The following ESRRB variants were observed in gnomAD, a reference collection of about 807,000 sequenced individuals.
ESRRB encodes estrogen related receptor beta.
In ESRRB, 16 loss-of-function variants were observed where a neutral mutation model predicts 46.0. The ratio of observed to expected loss-of-function variants is 0.35; its 90% CI spans 0.24 to 0.53. The LOEUF (loss-of-function observed/expected upper bound fraction) is 0.53. ESRRB is among the 20% of genes least tolerant of loss of function. ESRRB has a pLI of 0.93. For synonymous variants in ESRRB, 246 were observed against 259.6 expected (o/e 0.95, Z 0.50); for missense variants, 488 against 607.4 (o/e 0.80, Z 2.07).
chr14:76,417,734 A>AG (rs1442297176), intron 1 of ESRRB, among the ~76,000 whole-genome samples: 13 of 152,126 alleles, frequency 8.5e-5, no homozygotes, highest in Non-Finnish European at 1.5e-5. Context: ...CAAGAGCTGA[A>AG]GGCATGGCAG....
chr14:76,406,981 AC>A (rs1304888442), intron 1 of ESRRB, among the ~76,000 whole-genome samples: 1 of 152,252 alleles, frequency 6.6e-6, no homozygotes, highest in Non-Finnish European at 1.5e-5. Context: ...TAAAGGCTCC[AC>A]AATAAATGCG....
chr14:76,439,002 T>A (rs999786012), intron 1 of ESRRB, among the ~76,000 whole-genome samples: 38 of 152,086 alleles, frequency 2.5e-4, no homozygotes, highest in African/African-American at 9.2e-4. Context: ...TCTCCCTATG[T>A]TGCCCAGGCT....
chr14:76,380,551 A>C (rs1170551625), intron 1 of ESRRB, among the ~76,000 whole-genome samples: 2 of 152,328 alleles, frequency 1.3e-5, no homozygotes, highest in Non-Finnish European at 1.5e-5. Context: ...CCACACCTTG[A>C]CTGCCTCCAT....
intron 1 of ESRRB, among the ~76,000 whole-genome samples, chr14:76,336,848 G>A (rs576292515): frequency 6.6e-6 from 1 of 152,176 alleles, no homozygotes; most frequent in Admixed American, 6.5e-5. Flanking sequence ...TTACATTTAT[G>A]GGGGTGGGGG....
At chr14:76,470,759 C>T (rs1448230699) in intron 3 of ESRRB, among the ~76,000 whole-genome samples, 3 of 152,276 alleles carry the variant, frequency 2.0e-5, no homozygotes, top group African/African-American at 7.2e-5. Flanking sequence ...ATGATCATAG[C>T]TCACTGTAAC....
intron 1 of ESRRB, among the ~76,000 whole-genome samples, chr14:76,358,400 AAAGAAAG>A (rs1884422367): frequency 1.3e-4 from 17 of 129,690 alleles, no homozygotes; most frequent in East Asian, 4.2e-4. Flanking sequence ...AGAAAGAAAG[AAAGAAAG>A]AAAGAAAAGA....
intron 2 of ESRRB, among the ~76,000 whole-genome samples, chr14:76,458,473 CACACACACAT>C (rs1566909267): frequency 8.8e-5 from 7 of 79,332 alleles, no homozygotes; most frequent in African/African-American, 3.8e-4. Context: ...CACACACAAA[CACACACACAT>C]GCATGCAGGC....
chr14:76,477,904 G>T (rs1214928664), intron 3 of ESRRB, among the ~76,000 whole-genome samples: 2 of 152,118 alleles, frequency 1.3e-5, no homozygotes, highest in Non-Finnish European at 2.9e-5. Flanking sequence ...GTCTTTTATT[G>T]GGGAAATCAC....
rs374846304 is a variant in ESRRB at position 76,500,406 on chromosome 14, G to A, written c.*1948G>A. 32 of 587,852 alleles carry A rather than the reference G, an allele frequency of 5.4e-5. No individual in the cohort carries two copies. Among genetic ancestry groups the A allele is most frequent in the East Asian group, 5.0e-4 (18 of 35,698 alleles). The allele number at this position is 587,852 out of a possible 1,614,324, so 36.4% of individuals were successfully genotyped here. A position where few individuals can be genotyped will look rare whatever the true frequency, so the allele number is the denominator to read the frequency against. ...ATGCAGCCCATCTTCCCTCATTTGG[G>A]TGGAGGCACACATTTGGGGCAAAGG... On this transcript the variant is annotated 3_prime_UTR_variant, in exon 7 of 7. Transcript: ENST00000644823.
intron 1 of ESRRB, among the ~76,000 whole-genome samples, chr14:76,413,711 G>C (rs1886537244): frequency 1.3e-5 from 2 of 152,232 alleles, no homozygotes; most frequent in Non-Finnish European, 2.9e-5. Context: ...GGTCCCTGTT[G>C]TGTTTGACTC....
At chr14:76,387,326 G>C (rs1203131433) in intron 1 of ESRRB, among the ~76,000 whole-genome samples, 1 of 152,220 alleles carries the variant, frequency 6.6e-6, no homozygotes. Context: ...CCCGGGTACG[G>C]GGAATGGAAG....
chr14:76,336,075 G>T (rs773317319), intron 1 of ESRRB, among the ~76,000 whole-genome samples: 5 of 152,178 alleles, frequency 3.3e-5, no homozygotes, highest in African/African-American at 9.7e-5. Flanking sequence ...CTGTAAACAC[G>T]CCGTGTCATC....
chr14:76,429,431 T>C (rs948544468), intron 1 of ESRRB, among the ~76,000 whole-genome samples: 2 of 151,806 alleles, frequency 1.3e-5, no homozygotes, highest in East Asian at 3.9e-4. Flanking sequence ...CAGGAGTGAT[T>C]AAAAAAAACA....
intron 1 of ESRRB, among the ~76,000 whole-genome samples, chr14:76,311,502 C>T (rs973205379): frequency 6.6e-6 from 1 of 152,226 alleles, no homozygotes; most frequent in Non-Finnish European, 1.5e-5. Context: ...TTTTCCCTCT[C>T]CCCTCCGCGG....
Position 76,482,801 on chromosome 14 carries a change from C to T in ESRRB, c.850+42C>T, listed in dbSNP as rs1455800706. The T allele has an allele frequency of 6.2e-7, 1 of 1,610,200 alleles. No homozygotes were observed. Among genetic ancestry groups the T allele is most frequent in the African/African-American group, 1.3e-5 (1 of 74,832 alleles). ...AGGGGAGAGTGTGGCCAGGGACTCT[C>T]AGCCGGTATCTCCGCAGCCTACCCA... On this transcript the variant is annotated intron_variant, in intron 5 of 6. Coordinates refer to ENST00000644823, the MANE Select transcript of ESRRB (RefSeq NM_001379180.1). The surrounding 1 kb of genome is among the most constrained non-coding windows in gnomAD (Gnocchi z 4.3).
rs187859603 is a variant in ESRRB, at chr14:76,429,859, G to A, written c.51-9482G>A. 5.7e-3 allele frequency among the ~76,000 whole-genome samples: 867 copies of A among 152,306 alleles called. 22 individuals carry two copies. Among genetic ancestry groups the A allele is most frequent in the Admixed American group, 0.049 (748 of 15,292 alleles). ...CTGAGTTTAAGTTTTATGTGTGTGT[G>A]TGTGTGTGTGTGTAATTAATGGATC... On this transcript the variant is annotated intron_variant, in intron 1 of 6. Transcript: ENST00000644823.
intron 5 of ESRRB, among the ~76,000 whole-genome samples, chr14:76,485,665 AAG>A (rs1210268066): frequency 1.2e-4 from 16 of 132,496 alleles, no homozygotes; most frequent in Non-Finnish European, 1.6e-4. Context: ...GAGAGAAAGA[AAG>A]AGAGAGAGAG....
At chr14:76,481,885 TG>T in intron 3 of ESRRB, 130 bp from the exon 4 acceptor site, 1 of 803,298 alleles carries the variant, frequency 1.2e-6, no homozygotes, top group Non-Finnish European at 2.1e-6. Flanking sequence ...AGGCTGGCCG[TG>T]GGGCAGCTGT....
At chr14:76,448,390 G>A (rs1250747612) in intron 2 of ESRRB, among the ~76,000 whole-genome samples, 2 of 148,138 alleles carry the variant, frequency 1.4e-5, no homozygotes, top group African/African-American at 2.5e-5. Flanking sequence ...GTGCAGTGAC[G>A]CAATCTCGGC....
Sources: allele counts gnomAD v4.1 joint callset (sites outside exome capture counted in the v4.1 genomes callset), GRCh38; gene constraint gnomAD v4.1.1; non-coding constraint Gnocchi (gnomAD v3.1); transcripts MANE v1.5; gene names NCBI Gene and HGNC (gene_info 2026-07-23, HGNC 2026-07-21).